ATAT1: variants seen among roughly 807,000 people sequenced by gnomAD.
ATAT1 encodes alpha-tubulin N-acetyltransferase 1.
ATAT1 carries 42 observed loss-of-function variants against 57.2 expected under a neutral mutation model. The ratio of observed to expected loss-of-function variants is 0.73; its 90% CI spans 0.57 to 0.95. The LOEUF is 0.95. ATAT1 is among the 40% of genes least tolerant of loss of function. ATAT1 has a pLI of 0.00. For missense variants in ATAT1, 454 were observed against 523.7 expected, an observed-to-expected ratio of 0.87 and a Z score of 1.30; for synonymous variants, 168 against 187.1, an observed-to-expected ratio of 0.90 and a Z score of 0.83.
chr6:30,638,027 A>G (rs1391123335), intron 6 of ATAT1, among the ~76,000 whole-genome samples: 2 of 152,036 alleles, frequency 1.3e-5, no homozygotes, highest in Non-Finnish European at 2.9e-5. Flanking sequence ...ACAGGCGCCC[A>G]CCACTATGGC....
At chr6:30,644,019 C>G (rs1019531016) in intron 10 of ATAT1, 10 of 995,730 alleles carry the variant, frequency 1.0e-5, no homozygotes, top group African/African-American at 1.7e-5. Flanking sequence ...CTTTGTGCTG[C>G]CTGCCACACT....
chr6:30,633,618 C>T (rs17195551), intron 6 of ATAT1: 5,035 of 196,866 alleles, frequency 0.026, 120 homozygotes, highest in African/African-American at 0.07. Context: ...ATCGGATCAC[C>T]GCTGTGCCCC....
rs187960742 is a variant in ATAT1 at position 30,643,022 on chromosome 6, T to G, written c.932+11T>G. 498 of 1,603,752 alleles carry G rather than the reference T, an allele frequency of 3.1e-4. No individual in the cohort carries two copies. In the African/African-American group the frequency reaches 6.0e-3, roughly 19 times the overall value. ...ACGTCGTCGCACCAGGTAATAGGAG[T>G]TGAAGGGCTAAGGAGCCTCACAGCT... On this transcript the variant is annotated intron_variant, in intron 10 of 12. Transcript: ENST00000330083.
intron 8 of ATAT1, among the ~76,000 whole-genome samples, chr6:30,641,538 GA>G (rs1712907863): frequency 6.6e-6 from 1 of 152,182 alleles, no homozygotes; most frequent in African/African-American, 2.4e-5. Flanking sequence ...TCTTGAGAGG[GA>G]AAGCCGGGAG....
rs571215469 is a variant in ATAT1 at position 30,635,978 on chromosome 6, ATAT to A, written c.502-4392_502-4390del. Among the ~76,000 whole-genome samples, 414 of 152,238 alleles carry A rather than the reference ATAT, an allele frequency of 2.7e-3. 1 individual carries two copies. The highest frequency in any genetic ancestry group is 8.9e-3 in the African/African-American group (370 of 41,532). Reference sequence around the variant, plus strand: ...ATTAGAATGATTCAGTAGAGAGAAAATATTATTATGTCAGAGAAAGTGGGGAGA... The same window carrying A: ...ATTAGAATGATTCAGTAGAGAGAAAATATTATGTCAGAGAAAGTGGGGAGA... On this transcript the variant is annotated intron_variant, in intron 6 of 12. Coordinates refer to ENST00000330083, the MANE Select transcript of ATAT1 (RefSeq NM_001031722.4).
intron 12 of ATAT1, 21 bp from the exon 13 acceptor site, chr6:30,646,448 C>T: frequency 1.9e-6 from 3 of 1,549,644 alleles, no homozygotes; most frequent in Non-Finnish European, 2.6e-6. Context: ...ATAACCCACT[C>T]TCCATCTCCC....
chr6:30,627,944 C>A (rs754600590), intron 4 of ATAT1, 33 bp downstream of exon 4: 9 of 1,611,686 alleles, frequency 5.6e-6, no homozygotes, highest in Middle Eastern at 1.7e-4. Context: ...AGTTCGTATA[C>A]CTTGGTTTCT....
At position 30,640,333 on chromosome 6, in the gene ATAT1, C is replaced by T. The variant is rs748385929; in HGVS notation, c.502-44C>T. ...CGTATTTCTCAGAATGTATCCCCAT[C>T]GTTAAGTGATGCATGATTGTATTTT... On this transcript the variant is annotated intron_variant, in intron 6 of 12. Coordinates refer to ENST00000330083, the MANE Select transcript of ATAT1 (RefSeq NM_001031722.4). The T allele has an allele frequency of 1.4e-5, 23 of 1,598,586 alleles. 1 individual carries two copies. Among genetic ancestry groups the T allele is most frequent in the Non-Finnish European group, 1.9e-5 (22 of 1,167,390 alleles).
At chr6:30,646,248 C>A in intron 12 of ATAT1, 139 bp downstream of exon 12, 1 of 1,472,760 alleles carries the variant, frequency 6.8e-7, no homozygotes, top group South Asian at 1.4e-5. Flanking sequence ...TTCTACCTTA[C>A]ATCCTGCAAG....
chr6:30,634,302 G>A (rs899683546), intron 6 of ATAT1, among the ~76,000 whole-genome samples: 2 of 151,794 alleles, frequency 1.3e-5, no homozygotes, highest in African/African-American at 4.8e-5. Flanking sequence ...CCAGGCTCAA[G>A]TGCAGTGGTG....
At chr6:30,627,307 GGT>G in intron 1 of ATAT1, 151 bp from the exon 2 acceptor site, 2 of 1,613,478 alleles carry the variant, frequency 1.2e-6, no homozygotes, top group Non-Finnish European at 1.7e-6. Context: ...AGAAGGGTGG[GGT>G]GGGAAATCAG....
At position 30,627,901 on chromosome 6, in the gene ATAT1, T is replaced by C; in HGVS notation, c.275T>C (p.Leu92Pro). 6.2e-7 allele frequency: 1 copy of C among 1,612,974 alleles called. No individual in the cohort carries two copies. The highest frequency in any genetic ancestry group is 8.5e-7 in the Non-Finnish European group (1 of 1,179,982). The change falls in exon 4 of 13, where the codon CTC becomes CCC. Residue 92 changes from leucine to proline, a missense_variant. By Grantham distance (98) the Leu-to-Pro change is moderately conservative. Transcript: ENST00000330083. The stretch of plus-strand genomic sequence containing the variant: ...TTCATCAAAGTTGGATACAAGAAGC[T>C]CTTTGTACTGGTGAGTGTTATTGGA...
intron 6 of ATAT1, among the ~76,000 whole-genome samples, chr6:30,632,616 CT>C (rs938407262): frequency 2.6e-5 from 4 of 151,816 alleles, no homozygotes; most frequent in African/African-American, 9.7e-5. Context: ...TGATTTTTTC[CT>C]TTTTAACAAG....
Position 30,642,833 on chromosome 6 carries a change from G to GGGGGGCGC in ATAT1, c.754_755insGGGGGCGC (p.Ala252GlyfsTer70). The GGGGGGCGC allele has an allele frequency of 5.9e-6, 9 of 1,537,838 alleles. No homozygotes were observed. Among genetic ancestry groups the GGGGGGCGC allele is most frequent in the Non-Finnish European group, 7.0e-6 (8 of 1,145,754 alleles). ...GGCCCCTCGCCGCGCCACACCTCCA[G>GGGGGGCGC]CCCACCCACCCCCCCGCTCCAGCAG... On this transcript the variant is annotated frameshift_variant, in exon 10 of 13. Transcript: ENST00000330083. LOFTEE classifies it high-confidence loss of function.
chr6:30,645,924 G>A lies in ATAT1; in HGVS notation c.962G>A (p.Ser321Asn). 6.6e-7 allele frequency: 1 copy of A among 1,522,104 alleles called. No individual in the cohort carries two copies. Among genetic ancestry groups the A allele is most frequent in the East Asian group, 2.3e-5 (1 of 43,106 alleles). 94.3% of individuals were successfully genotyped at this position (1,522,104 alleles called of 1,614,324 possible). Residue 321 changes from serine (S) to asparagine (N), a missense_variant, in exon 11 of 13, where the codon AGC becomes AAC. Ser to Asn is a conservative substitution (Grantham distance 46). Transcript: ENST00000330083. ...ACTCCCCCAGGTCTGGTAGCCCAAA[G>A]CTGCTGCTACAGCCGCCATGGGGGG...
In ATAT1 at chr6:30,628,025, C is replaced by G. The variant is rs1427503513; in HGVS notation, c.286-7C>G. ...TTCCTAAAACATTTTTATTGTTTCTCTCTTAGGATGATCGTGAGGCTCATA... is the reference window on the plus strand; with the variant it reads ...TTCCTAAAACATTTTTATTGTTTCTGTCTTAGGATGATCGTGAGGCTCATA... On this transcript the variant is annotated splice_region_variant and splice_polypyrimidine_tract_variant and intron_variant, in intron 4 of 12. Transcript: ENST00000330083. The G allele has an allele frequency of 1.9e-6, 3 of 1,612,328 alleles. No individual in the cohort carries two copies. Among genetic ancestry groups the G allele is most frequent in the Non-Finnish European group, 2.5e-6 (3 of 1,179,394 alleles).
Position 30,633,147 on chromosome 6 carries a change from T to G in ATAT1, c.501+4717T>G, listed in dbSNP as rs575022467. On this transcript the variant is annotated intron_variant, in intron 6 of 12. Transcript: ENST00000330083. ...CAGATTGTATGTGGAGAAAGAGGAC[T>G]TTAGGACAATGCCAAAGCCTGAGCA... Among the ~76,000 whole-genome samples the G allele has an allele frequency of 1.9e-4, 29 of 152,218 alleles. 1 individual carries two copies. Among genetic ancestry groups the G allele is most frequent in the African/African-American group, 7.0e-4 (29 of 41,538 alleles).
In ATAT1 at chr6:30,628,358, A is replaced by G. The variant is rs6904236; in HGVS notation, c.429A>G (p.Ala143=). 0.021 allele frequency: 34,494 copies of G among 1,612,926 alleles called. 719 individuals are homozygous for G. The highest frequency in any genetic ancestry group is 0.11 in the African/African-American group (7,930 of 74,966). The change falls in exon 6 of 13, where the codon GCA becomes GCG. Residue 143 remains alanine (A), a synonymous_variant. Transcript: ENST00000330083. The stretch of plus-strand genomic sequence containing the variant: ...AGCGAGTGGAACCGCACCAACTGGC[A>G]ATTGACCGACCCTCACAGAAGCTGC...
At chr6:30,635,600 AAAAG>A (rs1418964558) in intron 6 of ATAT1, among the ~76,000 whole-genome samples, 1 of 152,050 alleles carries the variant, frequency 6.6e-6, no homozygotes, top group Admixed American at 6.6e-5. Flanking sequence ...AAAAAAAAAA[AAAAG>A]AAAAGAAAAC....
Sources: gnomAD v4.1 joint callset for allele counts (sites outside exome capture counted in the v4.1 genomes callset) on GRCh38, gnomAD v4.1.1 for gene constraint, MANE v1.5 for transcripts, NCBI Gene and HGNC (gene_info 2026-07-23, HGNC 2026-07-21) for gene names.